ZNF655: variants seen among roughly 807,000 people sequenced by gnomAD.
ZNF655 encodes zinc finger protein 655.
A neutral mutation model predicts 6.6 loss-of-function variants in ZNF655; 3 were observed. That is an observed-to-expected ratio of 0.46 (90% CI 0.21 to 1.18). The LOEUF is 1.18. Ranked by LOEUF, ZNF655 falls within the 50% of genes most tolerant of loss-of-function variation. The probability of loss-of-function intolerance (pLI) is 0.24; values close to 1 mark genes in which losing one functional copy is unlikely to be tolerated. For synonymous variants in ZNF655, 178 were observed against 195.0 expected, an observed-to-expected ratio of 0.91 and a Z score of 0.73; for missense variants, 526 against 572.3, an observed-to-expected ratio of 0.92 and a Z score of 0.83.
In ZNF655 at chr7:99,572,465, C is replaced by T; in HGVS notation, c.357C>T (p.Ser119=). 2.5e-6 allele frequency: 4 copies of T among 1,613,802 alleles called. No individual in the cohort carries two copies. The highest frequency in any genetic ancestry group is 3.4e-6 in the Non-Finnish European group (4 of 1,179,916). ...LEREFRQITI[S]KETFTSEKNN... Reference sequence around the variant, plus strand: ...GAGAGTTTAGGCAAATAACAATCAGCAAGGAAACCTTCACCAGTGAGAAGA... The same window carrying T: ...GAGAGTTTAGGCAAATAACAATCAGTAAGGAAACCTTCACCAGTGAGAAGA... Residue 119 remains serine, a synonymous_variant, in exon 3 of 3, where the codon AGC becomes AGT. Coordinates refer to ENST00000252713, the MANE Select transcript of ZNF655 (RefSeq NM_138494.3).
intron 2 of ZNF655, 169 bp downstream of exon 2, chr7:99,560,864 C>T: frequency 3.0e-6 from 2 of 668,120 alleles, no homozygotes; most frequent in Non-Finnish European, 4.6e-6. Context: ...CTAGTCTGAG[C>T]CCCTTTATTA....
Position 99,573,707 on chromosome 7 carries a change from T to C in ZNF655, c.*123T>C, listed in dbSNP as rs1804247724. The C allele has an allele frequency of 1.8e-6, 2 of 1,132,580 alleles. No homozygotes were observed. The highest frequency in any genetic ancestry group is 3.1e-5 in the African/African-American group (2 of 63,894). 70.2% of individuals were successfully genotyped at this position (1,132,580 alleles called of 1,614,324 possible). A position where few individuals can be genotyped will look rare whatever the true frequency, so the allele number is the denominator to read the frequency against. ...AAGCCTTCAGTCATAGCTCAGCCATTGCTCAGCATCAGATAATTCACACCA... is the reference window on the plus strand; with the variant it reads ...AAGCCTTCAGTCATAGCTCAGCCATCGCTCAGCATCAGATAATTCACACCA... On this transcript the variant is annotated 3_prime_UTR_variant, in exon 3 of 3. Transcript: ENST00000252713.
intron 1 of ZNF655, among the ~76,000 whole-genome samples, chr7:99,559,235 C>T (rs1802877086): frequency 6.6e-6 from 1 of 152,194 alleles, no homozygotes; most frequent in East Asian, 1.9e-4. Flanking sequence ...CTGCGTTGCT[C>T]TCAGGATTCC....
At chr7:99,567,288 C>G (rs987846531) in intron 2 of ZNF655, among the ~76,000 whole-genome samples, 2 of 152,174 alleles carry the variant, frequency 1.3e-5, no homozygotes, top group African/African-American at 2.4e-5. Context: ...AATCCCAGCA[C>G]TTTGGGAGGC....
At position 99,576,108 on chromosome 7, in the gene ZNF655, ACT is replaced by A. The variant is rs1562941502; in HGVS notation, c.*2527_*2528del. ...ACAAATATATAAAAATATGTTGCTC[ACT>A]CTATAATCCTCCTATGGCTAACCTC... On this transcript the variant is annotated 3_prime_UTR_variant, in exon 3 of 3. Coordinates refer to ENST00000252713, the MANE Select transcript of ZNF655 (RefSeq NM_138494.3). 1 of 152,186 alleles carries A rather than the reference ACT, an allele frequency of 6.6e-6. No homozygotes were observed. The highest frequency in any genetic ancestry group is 6.5e-5 in the Admixed American group (1 of 15,270). The allele number at this position is 152,186 out of a possible 1,614,324, so 9.4% of individuals were successfully genotyped here.
At chr7:99,569,044 C>G (rs1382513793) in intron 2 of ZNF655, among the ~76,000 whole-genome samples, 1 of 152,158 alleles carries the variant, frequency 6.6e-6, no homozygotes, top group Admixed American at 6.5e-5. Context: ...CATGGCCTCC[C>G]AAAGTGCTGG....
At chr7:99,561,892 A>G in intron 2 of ZNF655, 2 of 1,550,092 alleles carry the variant, frequency 1.3e-6, no homozygotes, top group Non-Finnish European at 8.7e-7. Context: ...CCTCAGCTCC[A>G]CCTGTTCCTC....
chr7:99,561,007 A>G (rs192242352), intron 2 of ZNF655: 18 of 208,718 alleles, frequency 8.6e-5, no homozygotes, highest in African/African-American at 3.4e-4. Flanking sequence ...TGCTTTTGCC[A>G]CATCTCACAG....
At chr7:99,564,118 C>T (rs1208842277) in intron 2 of ZNF655, 118 of 1,519,130 alleles carry the variant, frequency 7.8e-5, no homozygotes, top group Non-Finnish European at 9.7e-5. Flanking sequence ...TGTGTAAAAT[C>T]GCAGCTCCTC....
intron 2 of ZNF655, chr7:99,562,630 T>A: frequency 1.2e-6 from 1 of 821,822 alleles, no homozygotes; most frequent in Middle Eastern, 3.6e-4. Context: ...AATCCTTATC[T>A]TTCACATCGT....
At chr7:99,564,068 A>T (rs374232522) in intron 2 of ZNF655, 1 of 1,591,732 alleles carries the variant, frequency 6.3e-7, no homozygotes, top group Non-Finnish European at 8.6e-7. Flanking sequence ...GAGATATTAA[A>T]ATTGACTGAT....
intron 2 of ZNF655, among the ~76,000 whole-genome samples, chr7:99,561,597 G>A (rs973627234): frequency 4.6e-5 from 7 of 152,166 alleles, no homozygotes; most frequent in Admixed American, 1.3e-4. Flanking sequence ...TTGCCCATCT[G>A]CAAAACAGGT....
At position 99,560,634 on chromosome 7, in the gene ZNF655, G is replaced by A; in HGVS notation, c.75G>A (p.Glu25=). The part of the protein sequence containing the change: ...VQFQSLETQS[E]CLSPEPQFVQ... ...TTCAGTCTTTGGAGACCCAGTCTGA[G>A]TGTCTGTCCCCAGAGCCTCAGTTTG... The change falls in exon 2 of 3, where the codon GAG becomes GAA. Residue 25 remains glutamate (E), a synonymous_variant. Coordinates refer to ENST00000252713, the MANE Select transcript of ZNF655 (RefSeq NM_138494.3). 4 of 1,614,180 alleles carry A rather than the reference G, an allele frequency of 2.5e-6. No homozygotes were observed. Among genetic ancestry groups the A allele is most frequent in the Non-Finnish European group, 2.5e-6 (3 of 1,180,030 alleles).
chr7:99,562,412 G>C (rs1274260498), intron 2 of ZNF655: 1 of 1,614,180 alleles, frequency 6.2e-7, no homozygotes, highest in Non-Finnish European at 8.5e-7. Flanking sequence ...TTACTCGAGA[G>C]GAATGGGGAT....
intron 2 of ZNF655, among the ~76,000 whole-genome samples, chr7:99,565,944 A>G (rs532363283): frequency 8.6e-5 from 13 of 150,436 alleles, no homozygotes; most frequent in African/African-American, 2.5e-4. Flanking sequence ...CCAATATGTT[A>G]TTGGGTACTA....
At chr7:99,567,431 G>A (rs986414303) in intron 2 of ZNF655, among the ~76,000 whole-genome samples, 4 of 151,782 alleles carry the variant, frequency 2.6e-5, no homozygotes, top group Non-Finnish European at 5.9e-5. Flanking sequence ...TACTCTGGAG[G>A]CTGAGGCAGG....
intron 2 of ZNF655, 145 bp from the exon 3 acceptor site, chr7:99,572,100 T>A: frequency 2.4e-6 from 2 of 840,180 alleles, no homozygotes; most frequent in Non-Finnish European, 3.5e-6. Context: ...CTTCTGCTGT[T>A]GAGATTTTGT....
intron 1 of ZNF655, 114 bp from the exon 2 acceptor site, chr7:99,560,419 A>C: frequency 1.8e-6 from 2 of 1,091,588 alleles, no homozygotes; most frequent in Non-Finnish European, 2.5e-6. Flanking sequence ...ATCATTATCA[A>C]CTAATTTTTA....
At chr7:99,571,859 C>A (rs974781292) in intron 2 of ZNF655, 2 of 1,121,970 alleles carry the variant, frequency 1.8e-6, no homozygotes, top group African/African-American at 1.5e-5. Flanking sequence ...CAAGTTGTAG[C>A]TGCTTTGGCA....
Sources: allele counts gnomAD v4.1 joint callset (sites outside exome capture counted in the v4.1 genomes callset), GRCh38; gene constraint gnomAD v4.1.1; transcripts MANE v1.5; gene names NCBI Gene and HGNC (gene_info 2026-07-23, HGNC 2026-07-21).